Variants in SUSD5 observed in about 807,000 individuals in gnomAD.
The protein encoded by SUSD5 is sushi domain-containing protein 5.
SUSD5 carries 33 observed loss-of-function variants against 29.5 expected under a neutral mutation model. The ratio of observed to expected loss-of-function variants is 1.12; its 90% CI spans 0.85 to 1.49. The LOEUF is 1.49. Among genes scored for constraint, SUSD5 ranks in the 40% most tolerant of loss-of-function variants. The pLI, the probability that SUSD5 is intolerant of heterozygous loss-of-function variation, is 0.00. For missense variants in SUSD5, 776 were observed against 800.6 expected (o/e 0.97, Z 0.37); for synonymous variants, 308 against 325.3 (o/e 0.95, Z 0.57).
At chr3:33,178,678 C>A (rs771208557) in intron 3 of SUSD5, among the ~76,000 whole-genome samples, 82 of 152,270 alleles carry the variant, frequency 5.4e-4, no homozygotes, top group Non-Finnish European at 9.0e-4. Flanking sequence ...AATCTCGTGA[C>A]CTGCCAGCCT....
chr3:33,166,004 C>T (rs1195905683), intron 4 of SUSD5, among the ~76,000 whole-genome samples: 1 of 121,126 alleles, frequency 8.3e-6, no homozygotes, highest in Non-Finnish European at 1.9e-5. Flanking sequence ...GAGTGAGACC[C>T]CCCTCTCCAA....
At chr3:33,201,388 T>C (rs1387370382) in intron 3 of SUSD5, among the ~76,000 whole-genome samples, 1 of 152,156 alleles carries the variant, frequency 6.6e-6, no homozygotes, top group Non-Finnish European at 1.5e-5. Flanking sequence ...CTCTTCTGAG[T>C]AGCACAGAAG....
At chr3:33,163,323 T>C (rs776418137) in intron 4 of SUSD5, among the ~76,000 whole-genome samples, 5 of 152,072 alleles carry the variant, frequency 3.3e-5, no homozygotes, top group Non-Finnish European at 7.4e-5. Flanking sequence ...AATAAGTTAA[T>C]GTCGGTAAGC....
chr3:33,169,444 C>A (rs111234229), intron 4 of SUSD5, among the ~76,000 whole-genome samples: 60,997 of 151,862 alleles, frequency 0.4, 12,853 homozygotes, highest in East Asian at 0.72. Context: ...TGGTCTTGAA[C>A]TTCTGACCTC....
chr3:33,216,926 G>A (rs1208032014), intron 1 of SUSD5, among the ~76,000 whole-genome samples: 1 of 152,148 alleles, frequency 6.6e-6, no homozygotes, highest in African/African-American at 2.4e-5. Flanking sequence ...ACCTATAATT[G>A]TCCACTGAGG....
Position 33,217,687 on chromosome 3 carries a change from A to G in SUSD5, c.112+999T>C, listed in dbSNP as rs551393398. ...TGGCTTTCCCCTTTTCCTGACAACC[A>G]TGCTTTTTTTTTTTTTCCCCATGTC... On this transcript the variant is annotated intron_variant, in intron 1 of 4. Coordinates refer to ENST00000309558, the MANE Select transcript of SUSD5 (RefSeq NM_015551.2). Among the ~76,000 whole-genome samples, 4 of 149,030 alleles carry G rather than the reference A, an allele frequency of 2.7e-5. No homozygotes were observed. In the South Asian group the frequency reaches 6.3e-4, roughly 24 times the overall value.
intron 4 of SUSD5, among the ~76,000 whole-genome samples, chr3:33,161,299 TATTA>T (rs2031183220): frequency 6.7e-6 from 1 of 149,500 alleles, no homozygotes; most frequent in African/African-American, 2.4e-5. Context: ...ATGGTGTAAC[TATTA>T]ATTAATATTA....
intron 3 of SUSD5, among the ~76,000 whole-genome samples, chr3:33,200,251 T>C (rs1319098638): frequency 6.6e-6 from 1 of 152,194 alleles, no homozygotes; most frequent in African/African-American, 2.4e-5. Flanking sequence ...GCCAGTGCCT[T>C]ATCTTGGACT....
chr3:33,197,860 C>G (rs949501798), intron 3 of SUSD5, among the ~76,000 whole-genome samples: 1 of 152,052 alleles, frequency 6.6e-6, no homozygotes, highest in African/African-American at 2.4e-5. Flanking sequence ...TATTTTGATC[C>G]ATTCATCAGT....
At chr3:33,162,511 C>A (rs528181976) in intron 4 of SUSD5, among the ~76,000 whole-genome samples, 1 of 151,876 alleles carries the variant, frequency 6.6e-6, no homozygotes, top group Non-Finnish European at 1.5e-5. Context: ...TTTGAACTGA[C>A]GAGTAAGGTT....
intron 3 of SUSD5, among the ~76,000 whole-genome samples, chr3:33,180,372 T>A (rs11708947): frequency 0.6 from 91,372 of 151,386 alleles, 27,952 homozygotes; most frequent in South Asian, 0.75. Context: ...TAAAAAAAAA[T>A]TTTTTTGAGA....
chr3:33,187,067 GCC>G (rs553107300), intron 3 of SUSD5, among the ~76,000 whole-genome samples: 58 of 152,244 alleles, frequency 3.8e-4, no homozygotes, highest in Admixed American at 1.1e-3. Flanking sequence ...AAGGCAAAAG[GCC>G]TGGACTTTCC....
In SUSD5 at chr3:33,153,232, T is replaced by C. The variant is rs1353982934; in HGVS notation, c.1400A>G (p.Lys467Arg). Residue 467 changes from lysine (K) to arginine (R), a missense_variant, in exon 5 of 5, where the codon AAG becomes AGG. Coordinates refer to ENST00000309558, the MANE Select transcript of SUSD5 (RefSeq NM_015551.2). ...TEGIGDGDLT[K>R]YQSTLPWRFI... is the part of the protein sequence containing the mutation. ...TCTCCAGGGTAGAGTTGACTGGTAC[T>C]TCGTCAAGTCACCATCCCCAATGCC... The C allele has an allele frequency of 9.3e-6, 15 of 1,613,706 alleles. No homozygotes were observed. The highest frequency in any genetic ancestry group is 1.3e-5 in the Non-Finnish European group (15 of 1,179,848).
At chr3:33,157,470 A>C (rs1193642911) in intron 4 of SUSD5, among the ~76,000 whole-genome samples, 1 of 152,218 alleles carries the variant, frequency 6.6e-6, no homozygotes, top group African/African-American at 2.4e-5. Flanking sequence ...GTCATGACGT[A>C]TATCTTTGAC....
intron 4 of SUSD5, among the ~76,000 whole-genome samples, chr3:33,159,940 C>T (rs1267836312): frequency 2.0e-5 from 3 of 152,138 alleles, no homozygotes; most frequent in African/African-American, 7.2e-5. Context: ...CCCACCCTCA[C>T]CCTTCAGAAA....
At chr3:33,211,306 G>A (rs2032320489) in intron 2 of SUSD5, among the ~76,000 whole-genome samples, 1 of 152,112 alleles carries the variant, frequency 6.6e-6, no homozygotes, top group South Asian at 2.1e-4. Flanking sequence ...TCCAGTCCTG[G>A]CATACAATGC....
intron 4 of SUSD5, among the ~76,000 whole-genome samples, chr3:33,166,569 C>A (rs986016017): frequency 6.6e-6 from 1 of 152,166 alleles, no homozygotes; most frequent in Non-Finnish European, 1.5e-5. Context: ...CACAGCCTGC[C>A]CAACTCCCCA....
intron 3 of SUSD5, among the ~76,000 whole-genome samples, chr3:33,180,166 C>G (rs1283557763): frequency 1.3e-5 from 2 of 152,118 alleles, no homozygotes; most frequent in Non-Finnish European, 2.9e-5. Context: ...TCAGGCAGGT[C>G]CTTCAAGAGA....
chr3:33,165,219 T>C (rs990334319), intron 4 of SUSD5, among the ~76,000 whole-genome samples: 1 of 152,196 alleles, frequency 6.6e-6, no homozygotes, highest in Non-Finnish European at 1.5e-5. Context: ...GAGCAACATG[T>C]ATGTGTCTCA....
Sources: gnomAD v4.1 joint callset for allele counts (sites outside exome capture counted in the v4.1 genomes callset) on GRCh38, gnomAD v4.1.1 for gene constraint, MANE v1.5 for transcripts, NCBI Gene and HGNC (gene_info 2026-07-23, HGNC 2026-07-21) for gene names.